The following COL23A1 variants were observed in gnomAD, a reference collection of about 807,000 sequenced individuals.
The protein encoded by COL23A1 is collagen alpha-1(XXIII) chain.
COL23A1 carries 97 observed loss-of-function variants against 99.3 expected under a neutral mutation model. The ratio of observed to expected loss-of-function variants is 0.98; its 90% CI spans 0.83 to 1.16. COL23A1 has a LOEUF of 1.16. Ranked by LOEUF, COL23A1 falls within the 50% of genes most tolerant of loss-of-function variation. COL23A1 has a pLI of 0.00. For synonymous variants in COL23A1, 320 were observed against 308.2 expected, an observed-to-expected ratio of 1.04 and a Z score of -0.40; for missense variants, 762 against 757.4, an observed-to-expected ratio of 1.01 and a Z score of -0.07.
chr5:178,563,886 G>A (rs1208953826), intron 1 of COL23A1, among the ~76,000 whole-genome samples: 3 of 152,136 alleles, frequency 2.0e-5, no homozygotes, highest in East Asian at 1.9e-4. Flanking sequence ...ATTTCAAAAC[G>A]TACTTGGAGA....
chr5:178,425,078 GCCTGGC>G (rs946298772), intron 2 of COL23A1, among the ~76,000 whole-genome samples: 28 of 152,310 alleles, frequency 1.8e-4, no homozygotes, highest in African/African-American at 6.5e-4. Flanking sequence ...GACAACGCAT[GCCTGGC>G]CAGCGGAGAA....
intron 2 of COL23A1, among the ~76,000 whole-genome samples, chr5:178,556,625 TTAAAA>T (rs374978162): frequency 0.022 from 2,697 of 124,494 alleles, 54 homozygotes; most frequent in East Asian, 0.062. Flanking sequence ...CTCTGTCAAA[TTAAAA>T]TAAAATAAAA....
intron 2 of COL23A1, among the ~76,000 whole-genome samples, chr5:178,524,153 G>C (rs987292196): frequency 3.9e-5 from 6 of 152,166 alleles, no homozygotes; most frequent in Non-Finnish European, 7.3e-5. Context: ...GAAAAATCCA[G>C]GAAGATTCAG....
Position 178,261,732 on chromosome 5 carries a change from G to T in COL23A1, c.692C>A (p.Pro231Gln). 6.2e-7 allele frequency: 1 copy of T among 1,609,332 alleles called. No homozygotes were observed. Among genetic ancestry groups the T allele is most frequent in the Non-Finnish European group, 8.5e-7 (1 of 1,175,582 alleles). Residue 231 changes from proline to glutamine, a missense_variant, in exon 11 of 29, where the codon CCA becomes CAA. By Grantham distance (76) the Pro-to-Gln change is moderately conservative. Transcript: ENST00000390654. ...QDGEMGPKGPPGPKGEPGVPG... is the reference protein window; with the variant it reads ...QDGEMGPKGPQGPKGEPGVPG... ...ATAAGGAGTACTCACCTTGGGCCCTGGGGGTCCCTTTGGGCCCTGGAACAA... is the reference window on the plus strand; with the variant it reads ...ATAAGGAGTACTCACCTTGGGCCCTTGGGGTCCCTTTGGGCCCTGGAACAA...
At chr5:178,453,292 C>G (rs1767591784) in intron 2 of COL23A1, among the ~76,000 whole-genome samples, 2 of 152,186 alleles carry the variant, frequency 1.3e-5, no homozygotes, top group Non-Finnish European at 2.9e-5. Context: ...ATCTGGAAAC[C>G]AGCATACACA....
intron 2 of COL23A1, among the ~76,000 whole-genome samples, chr5:178,344,372 C>T (rs1037690895): frequency 6.6e-6 from 1 of 152,190 alleles, no homozygotes; most frequent in African/African-American, 2.4e-5. Flanking sequence ...CGTGGTGGCT[C>T]ACGCCTGTAA....
intron 5 of COL23A1, among the ~76,000 whole-genome samples, chr5:178,276,369 C>T (rs936532454): frequency 5.3e-5 from 8 of 152,218 alleles, no homozygotes; most frequent in East Asian, 1.9e-4. Context: ...TTAATGCTGA[C>T]GGTTCCTGTG....
chr5:178,248,670 A>T (rs933666671), intron 19 of COL23A1, among the ~76,000 whole-genome samples: 2 of 152,166 alleles, frequency 1.3e-5, no homozygotes, highest in Admixed American at 1.3e-4. Flanking sequence ...GCTGTGTGCC[A>T]GCCACCACTG....
In COL23A1 at chr5:178,313,266, T is replaced by C. The variant is rs1357978431; in HGVS notation, c.362-6347A>G. On this transcript the variant is annotated intron_variant, in intron 2 of 28. Transcript: ENST00000390654. This position sits in a 1 kb window ranked among gnomAD's most constrained non-coding sequence, Gnocchi z 4.2. ...CAACATGAAGAGTTCTGGAGAGGGA[T>C]GGTGGTGGTGACGGGTGCGTGACAA... Among the ~76,000 whole-genome samples, 1 of 152,092 alleles carries C rather than the reference T, an allele frequency of 6.6e-6. No homozygotes were observed. The highest frequency in any genetic ancestry group is 1.5e-5 in the Non-Finnish European group (1 of 68,002).
intron 2 of COL23A1, among the ~76,000 whole-genome samples, chr5:178,507,698 GA>G (rs1257611925): frequency 2.6e-5 from 4 of 152,184 alleles, no homozygotes; most frequent in Admixed American, 2.6e-4. Context: ...TGCTGTCATT[GA>G]CATTGCTGTC....
intron 3 of COL23A1, among the ~76,000 whole-genome samples, chr5:178,302,262 A>C (rs1370950977): frequency 7.0e-6 from 1 of 143,228 alleles, no homozygotes; most frequent in Non-Finnish European, 1.5e-5. Context: ...TGTGCGCCGG[A>C]GCACGGCTTC....
At chr5:178,364,317 C>G (rs888840305) in intron 2 of COL23A1, among the ~76,000 whole-genome samples, 5 of 152,170 alleles carry the variant, frequency 3.3e-5, no homozygotes, top group Admixed American at 2.6e-4. Flanking sequence ...CCTTCTTCCT[C>G]CTGATATCTG....
intron 2 of COL23A1, among the ~76,000 whole-genome samples, chr5:178,311,047 C>T (rs1230704557): frequency 6.6e-6 from 1 of 152,110 alleles, no homozygotes; most frequent in African/African-American, 2.4e-5. Context: ...TGAAGACCAC[C>T]TTGGGCTGGG....
chr5:178,512,895 T>C (rs1237473939), intron 2 of COL23A1, among the ~76,000 whole-genome samples: 1 of 152,158 alleles, frequency 6.6e-6, no homozygotes, highest in Non-Finnish European at 1.5e-5. Flanking sequence ...ACCTCCCATT[T>C]TCCAGGTCAG....
rs549146229 is a variant in COL23A1, at chr5:178,404,676, C to T, written c.362-97757G>A. ...CAGAGACCAATGGTCCTGCAAGGGG[C>T]ACGAAGACCATGTGTGATAACCAGA... On this transcript the variant is annotated intron_variant, in intron 2 of 28. Coordinates refer to ENST00000390654, the MANE Select transcript of COL23A1 (RefSeq NM_173465.4). Among the ~76,000 whole-genome samples, 3 of 138,530 alleles carry T rather than the reference C, an allele frequency of 2.2e-5. No homozygotes were observed. The South Asian group carries it at 7.2e-4, about 33-fold the overall frequency. 90.9% of individuals were successfully genotyped at this position (138,530 alleles called of 152,430 possible). A position where few individuals can be genotyped will look rare whatever the true frequency, so the allele number is the denominator to read the frequency against.
intron 5 of COL23A1, among the ~76,000 whole-genome samples, chr5:178,277,503 C>T (rs1756655601): frequency 6.6e-6 from 1 of 152,254 alleles, no homozygotes; most frequent in Non-Finnish European, 1.5e-5. Context: ...CCACAGGCTC[C>T]ACCCTTCCCT....
At chr5:178,464,445 T>C (rs1756303005) in intron 2 of COL23A1, among the ~76,000 whole-genome samples, 1 of 152,210 alleles carries the variant, frequency 6.6e-6, no homozygotes, top group Non-Finnish European at 1.5e-5. Context: ...ATTTTCTTTA[T>C]CCATTCAGCC....
At chr5:178,501,772 C>T (rs1466523587) in intron 2 of COL23A1, among the ~76,000 whole-genome samples, 1 of 152,154 alleles carries the variant, frequency 6.6e-6, no homozygotes, top group African/African-American at 2.4e-5. Context: ...TGTGAGCAGG[C>T]CAGTGACAAG....
Position 178,448,468 on chromosome 5 carries a change from A to G in COL23A1, c.361+112214T>C, listed in dbSNP as rs1021684065. Among the ~76,000 whole-genome samples, 3 of 152,212 alleles carry G rather than the reference A, an allele frequency of 2.0e-5. No individual in the cohort carries two copies. The South Asian group carries it at 6.2e-4, about 32-fold the overall frequency. On this transcript the variant is annotated intron_variant, in intron 2 of 28. Coordinates refer to ENST00000390654, the MANE Select transcript of COL23A1 (RefSeq NM_173465.4). ...GTCCGTTTTGTTCTGCCATAACAGA[A>G]TACCCGAGACTGGGTCATTTGTAAG... is the stretch of plus-strand genomic sequence containing the variant.
Sources: gnomAD v4.1 joint callset for allele counts (sites outside exome capture counted in the v4.1 genomes callset) on GRCh38, gnomAD v4.1.1 for gene constraint, Gnocchi (gnomAD v3.1) non-coding constraint, MANE v1.5 for transcripts, NCBI Gene and HGNC (gene_info 2026-07-23, HGNC 2026-07-21) for gene names.